KALRN: variants seen among roughly 807,000 people sequenced by gnomAD.
KALRN encodes kalirin.
In KALRN, 70 loss-of-function variants were observed where a neutral mutation model predicts 353.7. The ratio of observed to expected loss-of-function variants is 0.20; its 90% confidence interval spans 0.16 to 0.24. KALRN has a LOEUF of 0.24. Among genes scored for constraint, KALRN ranks in the 10% least tolerant of loss-of-function variants. The pLI, the probability that KALRN is intolerant of heterozygous loss-of-function variation, is 1.00. For synonymous variants in KALRN, 1,391 were observed against 1,434.8 expected (o/e 0.97, Z 0.69); for missense variants, 2,791 against 3,756.7 (o/e 0.74, Z 6.72).
chr3:124,543,770 C>T (rs2069322862), intron 33 of KALRN, among the ~76,000 whole-genome samples: 1 of 151,690 alleles, frequency 6.6e-6, no homozygotes, highest in Non-Finnish European at 1.5e-5. Flanking sequence ...GATGTCTTCT[C>T]AGGATAATAT....
At chr3:124,161,549 G>A (rs998056095) in intron 1 of KALRN, among the ~76,000 whole-genome samples, 1 of 152,178 alleles carries the variant, frequency 6.6e-6, no homozygotes, top group Non-Finnish European at 1.5e-5. Context: ...AGTAGGTCAA[G>A]GTGAAAACAG....
At chr3:124,037,804 T>A (rs970613920) in intron 1 of KALRN, among the ~76,000 whole-genome samples, 6 of 151,948 alleles carry the variant, frequency 3.9e-5, no homozygotes, top group Non-Finnish European at 8.8e-5. Context: ...ATGAAGTAGC[T>A]GGGTTGAGGA....
intron 9 of KALRN, among the ~76,000 whole-genome samples, chr3:124,343,346 GAC>G (rs1427943075): frequency 1.3e-5 from 2 of 152,018 alleles, no homozygotes; most frequent in African/African-American, 2.4e-5. Flanking sequence ...TTTTTGTAGA[GAC>G]AGAGTTTTGC....
chr3:124,386,445 A>G (rs1439822501), intron 11 of KALRN, among the ~76,000 whole-genome samples: 2 of 152,072 alleles, frequency 1.3e-5, no homozygotes, highest in African/African-American at 4.8e-5. Context: ...GTCAGTTTCC[A>G]TGGAACTACC....
chr3:124,097,118 T>C (rs958362981), intron 1 of KALRN, among the ~76,000 whole-genome samples: 4 of 152,238 alleles, frequency 2.6e-5, no homozygotes, highest in African/African-American at 9.6e-5. Context: ...GTATTACACA[T>C]GTGTGCATAC....
rs149702269 is a variant in KALRN at position 124,577,272 on chromosome 3, G to A, written c.5182+14183G>A. Among the ~76,000 whole-genome samples the A allele has an allele frequency of 5.1e-3, 769 of 152,144 alleles. 10 individuals carry two copies. The highest frequency in any genetic ancestry group is 5.1e-3 in the Non-Finnish European group (344 of 68,000). On this transcript the variant is annotated intron_variant, in intron 34 of 59. Transcript: ENST00000682506. ...TGGGGCCTCTCTTAAGGATAAGTGAGACAGCTAGAAAGAGGCAAACAGGTG... is the reference window on the plus strand; with the variant it reads ...TGGGGCCTCTCTTAAGGATAAGTGAAACAGCTAGAAAGAGGCAAACAGGTG...
At chr3:124,510,187 A>G (rs2065737478) in intron 33 of KALRN, among the ~76,000 whole-genome samples, 1 of 152,246 alleles carries the variant, frequency 6.6e-6, no homozygotes, top group African/African-American at 2.4e-5. Flanking sequence ...TGTAATTAAG[A>G]AAACTAAAGC....
chr3:124,371,325 G>A (rs1023948042), intron 10 of KALRN, among the ~76,000 whole-genome samples: 1 of 152,140 alleles, frequency 6.6e-6, no homozygotes, highest in South Asian at 2.1e-4. Context: ...TGATGGGCAC[G>A]AAGGTTGAGT....
At position 124,674,624 on chromosome 3, in the gene KALRN, TC is replaced by T. The variant is rs1188541004; in HGVS notation, c.7193+11del. On this transcript the variant is annotated intron_variant, in intron 49 of 59. Transcript: ENST00000682506. ...GTGACGGGAGCATCAAGTAAGTGCC[TC>T]GTTGGCTTCCCCGGGAGAGGAGTAT... 1 of 1,568,162 alleles carries T rather than the reference TC, an allele frequency of 6.4e-7. No individual in the cohort carries two copies.
intron 34 of KALRN, among the ~76,000 whole-genome samples, chr3:124,620,760 G>A (rs927059574): frequency 6.6e-6 from 1 of 152,152 alleles, no homozygotes; most frequent in East Asian, 1.9e-4. Context: ...GCTTATCTAG[G>A]GGCAGAGGGT....
chr3:124,164,774 A>G (rs1312868020), intron 1 of KALRN: 1 of 152,206 alleles, frequency 6.6e-6, no homozygotes, highest in Non-Finnish European at 1.5e-5. Flanking sequence ...ATCTTTCACT[A>G]TCTAATTAAT....
chr3:124,403,577 G>A (rs1429505295), intron 13 of KALRN, among the ~76,000 whole-genome samples: 4 of 152,212 alleles, frequency 2.6e-5, no homozygotes, highest in Non-Finnish European at 5.9e-5. Context: ...ACAAATAGGG[G>A]CCAGGCTAAG....
chr3:124,546,298 A>C (rs1487733475), intron 33 of KALRN, among the ~76,000 whole-genome samples: 1 of 151,444 alleles, frequency 6.6e-6, no homozygotes, highest in African/African-American at 2.4e-5. Flanking sequence ...CTCAAAAAAA[A>C]AAAAAAAAAA....
intron 23 of KALRN, among the ~76,000 whole-genome samples, chr3:124,458,104 C>T (rs1390158002): frequency 5.3e-5 from 8 of 151,940 alleles, no homozygotes; most frequent in Admixed American, 1.3e-4. Context: ...GGTGAAACCC[C>T]GTCTCTACTA....
At chr3:124,600,839 G>T (rs369592050) in intron 34 of KALRN, among the ~76,000 whole-genome samples, 1 of 152,156 alleles carries the variant, frequency 6.6e-6, no homozygotes, top group Middle Eastern at 3.2e-3. Flanking sequence ...GCCCCAGCTC[G>T]AAGTAAAGAG....
At chr3:124,269,277 C>T (rs1276710133) in intron 5 of KALRN, 22 bp downstream of exon 5, 1 of 1,565,860 alleles carries the variant, frequency 6.4e-7, no homozygotes, top group Non-Finnish European at 8.7e-7. Flanking sequence ...ACAGGCCAAA[C>T]CTGAGCCGGG....
rs78378796 is a variant in KALRN at position 124,257,803 on chromosome 3, T to G, written c.264-6695T>G. On this transcript the variant is annotated intron_variant, in intron 3 of 59. Transcript: ENST00000682506. ...GGGGGTCACCCACTGTTCTTTCCCC[T>G]CCTGAGGGGATTTAAAAGTCTGCTT... Among the ~76,000 whole-genome samples the G allele has an allele frequency of 2.8e-4, 43 of 152,284 alleles. No individual in the cohort carries two copies. The East Asian group carries it at 8.1e-3, about 29-fold the overall frequency.
At chr3:124,711,765 C>T (rs2062897893) in intron 57 of KALRN, among the ~76,000 whole-genome samples, 1 of 152,002 alleles carries the variant, frequency 6.6e-6, no homozygotes, top group Non-Finnish European at 1.5e-5. Flanking sequence ...GACATTATAT[C>T]TGGATTTGCT....
intron 34 of KALRN, among the ~76,000 whole-genome samples, chr3:124,580,947 A>AAATAATAATAGTAAT (rs71145458): frequency 0.15 from 22,001 of 147,454 alleles, 1,740 homozygotes; most frequent in Middle Eastern, 0.21. Context: ...GTCTCTATTA[A>AAATAATAATAGTAAT]AATAATAATA....
Sources: gnomAD v4.1 joint callset for allele counts (sites outside exome capture counted in the v4.1 genomes callset) on GRCh38, gnomAD v4.1.1 for gene constraint, MANE v1.5 for transcripts, NCBI Gene and HGNC (gene_info 2026-07-23, HGNC 2026-07-21) for gene names.